Variants in UGT1A6 observed in about 807,000 individuals in gnomAD.
UGT1A6 encodes UDP glucuronosyltransferase family 1 member A6.
Under a neutral mutation model 44.4 loss-of-function variants are expected in UGT1A6, and 32 were observed. The ratio of observed to expected loss-of-function variants is 0.72; its 90% confidence interval spans 0.54 to 0.97. UGT1A6 has a LOEUF of 0.97. Ranked by LOEUF, UGT1A6 falls within the 50% of genes least tolerant of loss-of-function variation. The pLI, the probability that UGT1A6 is intolerant of heterozygous loss-of-function variation, is 0.00. For missense variants in UGT1A6, 685 were observed against 661.9 expected (o/e 1.03, Z -0.38); for synonymous variants, 238 against 248.5 (o/e 0.96, Z 0.40).
At chr2:233,747,120 A>T in intron 1 of UGT1A6, 1 of 1,469,012 alleles carries the variant, frequency 6.8e-7, no homozygotes, top group Non-Finnish European at 9.2e-7. Context: ...ATGATTTGCT[A>T]AGTGGCTCAG....
At chr2:233,712,885 A>G in intron 1 of UGT1A6, 1 of 1,601,938 alleles carries the variant, frequency 6.2e-7, no homozygotes, top group African/African-American at 1.3e-5. Flanking sequence ...CTTCAATTAC[A>G]TGTTGATTTG....
At chr2:233,734,900 C>T (rs1027588472) in intron 1 of UGT1A6, among the ~76,000 whole-genome samples, 1 of 152,158 alleles carries the variant, frequency 6.6e-6, no homozygotes, top group Admixed American at 6.5e-5. Flanking sequence ...GATTTCTATT[C>T]TTTTACATTT....
chr2:233,701,802 C>T (rs2075652671), intron 1 of UGT1A6, among the ~76,000 whole-genome samples: 2 of 152,046 alleles, frequency 1.3e-5, no homozygotes, highest in Non-Finnish European at 2.9e-5. Context: ...TCAACGAGAA[C>T]AAAGACACAA....
chr2:233,704,701 T>C (rs960587846), intron 1 of UGT1A6, among the ~76,000 whole-genome samples: 4 of 152,232 alleles, frequency 2.6e-5, no homozygotes, highest in Non-Finnish European at 5.9e-5. Flanking sequence ...TGGTATCATT[T>C]CTTAGCCCAA....
intron 1 of UGT1A6, chr2:233,755,145 G>A (rs1233085476): frequency 2.3e-6 from 3 of 1,302,660 alleles, no homozygotes; most frequent in South Asian, 1.2e-5. Flanking sequence ...TCTTCTCACC[G>A]CTTCCTCCCT....
chr2:233,729,487 T>C (rs1189520708), intron 1 of UGT1A6: 17 of 1,614,220 alleles, frequency 1.1e-5, no homozygotes, highest in Non-Finnish European at 1.4e-5. Flanking sequence ...GAACAATATG[T>C]CTTTGGTCTA....
chr2:233,719,540 G>C (rs1488835292), intron 1 of UGT1A6: 11 of 1,613,770 alleles, frequency 6.8e-6, no homozygotes, highest in Non-Finnish European at 8.5e-6. Context: ...AGCTTTTTCA[G>C]AGAGAGGTGT....
In UGT1A6 at chr2:233,760,964, T is replaced by C. The variant is rs1355767569; in HGVS notation, c.862-6070T>C. ...TCACAGAACTTTCTGTGCGACGTGGTTTATTCCCCGTATGCAACCCTTGCC... is the reference window on the plus strand; with the variant it reads ...TCACAGAACTTTCTGTGCGACGTGGCTTATTCCCCGTATGCAACCCTTGCC... On this transcript the variant is annotated intron_variant, in intron 1 of 4. Coordinates refer to ENST00000305139, the MANE Select transcript of UGT1A6 (RefSeq NM_001072.4). The C allele has an allele frequency of 6.2e-7, 1 of 1,614,182 alleles. No individual in the cohort carries two copies. Among genetic ancestry groups the C allele is most frequent in the East Asian group, 2.2e-5 (1 of 44,880 alleles).
intron 2 of UGT1A6, 122 bp from the exon 3 acceptor site, chr2:233,767,727 T>A (rs28946890): frequency 6.4e-7 from 1 of 1,556,204 alleles, no homozygotes; most frequent in Non-Finnish European, 8.7e-7. Flanking sequence ...CAGTTACTGA[T>A]CCTCCCACTC....
At chr2:233,768,582 CTTT>C (rs139595073) in intron 4 of UGT1A6, 143 bp downstream of exon 4, 59,155 of 999,984 alleles carry the variant, frequency 0.059, 10 homozygotes, top group East Asian at 0.12. Flanking sequence ...TTTATTTCTT[CTTT>C]TTTTTTTTTT....
At chr2:233,754,200 T>C (rs1333668014) in intron 1 of UGT1A6, 4 of 162,792 alleles carry the variant, frequency 2.5e-5, no homozygotes, top group Non-Finnish European at 5.4e-5. Context: ...CAGTAAAACA[T>C]TGAAGTCAAA....
At chr2:233,765,342 T>G (rs1698805328) in intron 1 of UGT1A6, among the ~76,000 whole-genome samples, 1 of 152,198 alleles carries the variant, frequency 6.6e-6, no homozygotes. Flanking sequence ...AATAACAAAG[T>G]CATGGAACCA....
intron 1 of UGT1A6, chr2:233,750,653 C>CT (rs915876685): frequency 6.6e-6 from 1 of 151,896 alleles, no homozygotes; most frequent in African/African-American, 2.4e-5. Flanking sequence ...AGCCTCAGGA[C>CT]TTGGTGCCCT....
chr2:233,761,556 C>T (rs1005029875), intron 1 of UGT1A6, among the ~76,000 whole-genome samples: 3 of 152,166 alleles, frequency 2.0e-5, no homozygotes, highest in African/African-American at 7.2e-5. Flanking sequence ...GATGATAGAT[C>T]CTGGAAATGA....
chr2:233,734,198 C>T (rs930421172), intron 1 of UGT1A6, among the ~76,000 whole-genome samples: 6 of 152,124 alleles, frequency 3.9e-5, no homozygotes, highest in African/African-American at 1.2e-4. Context: ...GCCTCAATTT[C>T]AGAGCCTGTT....
chr2:233,768,255 G>C lies in UGT1A6; in HGVS notation c.1117G>C (p.Gly373Arg). ...PMTRAFITHA[G>R]SHGVYESICN... is the part of the protein sequence containing the mutation. ...GACCCGTGCCTTTATCACCCATGCT[G>C]GTTCCCATGGTGTTTATGAAAGCAT... Residue 373 changes from glycine to arginine, a missense_variant, in exon 4 of 5, where the codon GGT (glycine) becomes CGT (arginine). By Grantham distance (125) the Gly-to-Arg change is moderately radical. Transcript: ENST00000305139. 1 of 1,614,166 alleles carries C rather than the reference G, an allele frequency of 6.2e-7. No individual in the cohort carries two copies. The highest frequency in any genetic ancestry group is 8.5e-7 in the Non-Finnish European group (1 of 1,180,040).
chr2:233,705,079 A>C (rs1298601892), intron 1 of UGT1A6, among the ~76,000 whole-genome samples: 1 of 151,822 alleles, frequency 6.6e-6, no homozygotes, highest in Non-Finnish European at 1.5e-5. Flanking sequence ...GAGGTTGCAG[A>C]GAGCCAAGAT....
chr2:233,703,154 T>C (rs867081835), intron 1 of UGT1A6, among the ~76,000 whole-genome samples: 24 of 152,318 alleles, frequency 1.6e-4, no homozygotes, highest in African/African-American at 4.8e-4. Context: ...ATTTTGTATT[T>C]CTTCTTGATT....
chr2:233,744,959 A>G (rs1028128963), intron 1 of UGT1A6, among the ~76,000 whole-genome samples: 2 of 151,812 alleles, frequency 1.3e-5, no homozygotes, highest in African/African-American at 4.9e-5. Context: ...TAACCTACCA[A>G]TATCCTTCTT....
Sources: gnomAD v4.1 joint callset for allele counts (sites outside exome capture counted in the v4.1 genomes callset) on GRCh38, gnomAD v4.1.1 for gene constraint, MANE v1.5 for transcripts, NCBI Gene and HGNC (gene_info 2026-07-23, HGNC 2026-07-21) for gene names.